The following KCNK10 variants were observed in gnomAD, a reference collection of about 807,000 sequenced individuals.
The protein encoded by KCNK10 is potassium two pore domain channel subfamily K member 10.
In KCNK10, 25 loss-of-function variants were observed where a neutral mutation model predicts 47.7. That is an observed-to-expected ratio of 0.52 (90% CI 0.38 to 0.73). KCNK10 has a LOEUF of 0.73. KCNK10 is among the 30% of genes least tolerant of loss of function. The pLI is 0.00. For synonymous variants in KCNK10, 303 were observed against 285.6 expected (o/e 1.06, Z -0.61); for missense variants, 563 against 714.5 (o/e 0.79, Z 2.42).
intron 4 of KCNK10, among the ~76,000 whole-genome samples, chr14:88,199,133 T>C (rs1885019262): frequency 6.6e-6 from 1 of 152,114 alleles, no homozygotes; most frequent in South Asian, 2.1e-4. Flanking sequence ...TTGGCCATGC[T>C]GGTCTTGAAC....
intron 2 of KCNK10, among the ~76,000 whole-genome samples, chr14:88,248,866 T>G (rs1159428819): frequency 2.0e-5 from 3 of 152,128 alleles, no homozygotes; most frequent in Non-Finnish European, 2.9e-5. Flanking sequence ...TCAGGGAAAG[T>G]TCTAGAATAC....
chr14:88,303,313 G>A (rs997832218), intron 1 of KCNK10, among the ~76,000 whole-genome samples: 2 of 152,160 alleles, frequency 1.3e-5, no homozygotes, highest in African/African-American at 4.8e-5. Flanking sequence ...TCTGCAACAG[G>A]CAGCTGAAAG....
intron 1 of KCNK10, among the ~76,000 whole-genome samples, chr14:88,290,113 A>G (rs138220332): frequency 1.1e-3 from 171 of 152,186 alleles, no homozygotes; most frequent in African/African-American, 3.9e-3. Context: ...TTACACGACA[A>G]AGGGATTTTG....
chr14:88,261,269 T>A (rs1001312510), intron 2 of KCNK10, among the ~76,000 whole-genome samples: 2 of 152,240 alleles, frequency 1.3e-5, no homozygotes, highest in Non-Finnish European at 2.9e-5. Context: ...CAGGTTATTA[T>A]GACGTGTCTT....
intron 4 of KCNK10, among the ~76,000 whole-genome samples, chr14:88,200,790 C>G (rs1334403014): frequency 2.0e-5 from 3 of 152,166 alleles, no homozygotes; most frequent in African/African-American, 7.2e-5. Flanking sequence ...AACAAAATGG[C>G]CCCCAGTCTC....
intron 1 of KCNK10, among the ~76,000 whole-genome samples, chr14:88,271,648 T>G (rs1327322510): frequency 2.6e-5 from 4 of 152,070 alleles, no homozygotes; most frequent in Non-Finnish European, 5.9e-5. Flanking sequence ...ATGGCATGAG[T>G]CACACTTGGT....
chr14:88,287,475 C>T (rs531283160), intron 1 of KCNK10, among the ~76,000 whole-genome samples: 1 of 152,280 alleles, frequency 6.6e-6, no homozygotes, highest in South Asian at 2.1e-4. Context: ...ACTGCCCCCA[C>T]CCTTTTCACC....
chr14:88,231,902 C>T (rs978289183), intron 3 of KCNK10, among the ~76,000 whole-genome samples: 1 of 152,170 alleles, frequency 6.6e-6, no homozygotes, highest in Non-Finnish European at 1.5e-5. Context: ...TAAGGAGTAG[C>T]GCTGCTTTTC....
Position 88,263,547 on chromosome 14 carries a change from G to T in KCNK10, c.57C>A (p.Ala19=). ...GGCACACCGGTGCTGCTGCGGGAAC[G>T]GCCACTGAGGAGTCAGGGTGGGGGA... The part of the protein sequence containing the change: ...RKQVNWDPKV[A]VPAAAPVCQP... Residue 19 remains alanine, a synonymous_variant, in exon 2 of 7, where the codon GCC becomes GCA. Coordinates refer to ENST00000319231, the MANE Select transcript of KCNK10 (RefSeq NM_138317.3). The T allele has an allele frequency of 6.2e-7, 1 of 1,609,358 alleles. No homozygotes were observed.
chr14:88,253,758 G>A (rs1005416593), intron 2 of KCNK10, among the ~76,000 whole-genome samples: 1 of 152,012 alleles, frequency 6.6e-6, no homozygotes, highest in African/African-American at 2.4e-5. Flanking sequence ...AAATTAGCTG[G>A]GGTGGTGAAG....
chr14:88,290,982 G>A (rs1292824254), intron 1 of KCNK10, among the ~76,000 whole-genome samples: 1 of 152,232 alleles, frequency 6.6e-6, no homozygotes, highest in African/African-American at 2.4e-5. Flanking sequence ...GCTGTGGGAA[G>A]AGGCCCACTA....
At chr14:88,256,148 C>G (rs571768539) in intron 2 of KCNK10, among the ~76,000 whole-genome samples, 1 of 152,318 alleles carries the variant, frequency 6.6e-6, no homozygotes, top group South Asian at 2.1e-4. Context: ...CCTAGGACAT[C>G]AAACTTGGTC....
intron 2 of KCNK10, among the ~76,000 whole-genome samples, chr14:88,241,224 G>A (rs1886456917): frequency 6.6e-6 from 1 of 152,352 alleles, no homozygotes; most frequent in East Asian, 1.9e-4. Flanking sequence ...TGTCTTGTAA[G>A]AATGTTTTAC....
intron 1 of KCNK10, chr14:88,270,911 C>T (rs1409857100): frequency 5.4e-6 from 4 of 741,222 alleles, no homozygotes; most frequent in Admixed American, 3.5e-5. Context: ...CCATGCCTTG[C>T]TCCCTGACTC....
chr14:88,198,342 A>T (rs1344184019), intron 4 of KCNK10, among the ~76,000 whole-genome samples: 2 of 152,216 alleles, frequency 1.3e-5, no homozygotes, highest in African/African-American at 4.8e-5. Flanking sequence ...AGCCACATCA[A>T]CTGAGTAACT....
rs1884453947 is a variant in KCNK10 at position 88,183,975 on chromosome 14, C to T, written c.*1560G>A. ...AGCAGTGAGCCTAGAACACCCATAACCAGCAACTGCCTGGTGTTGCCAGGT... is the reference window on the plus strand; with the variant it reads ...AGCAGTGAGCCTAGAACACCCATAATCAGCAACTGCCTGGTGTTGCCAGGT... On this transcript the variant is annotated 3_prime_UTR_variant, in exon 7 of 7. Transcript: ENST00000319231. 1 of 152,364 alleles carries T rather than the reference C, an allele frequency of 6.6e-6. No individual in the cohort carries two copies. Among genetic ancestry groups the T allele is most frequent in the Non-Finnish European group, 1.5e-5 (1 of 68,048 alleles). 9.4% of individuals were successfully genotyped at this position (152,364 alleles called of 1,614,324 possible).
intron 2 of KCNK10, 72 bp from the exon 3 acceptor site, chr14:88,240,892 A>T: frequency 1.0e-6 from 1 of 961,924 alleles, no homozygotes; most frequent in Non-Finnish European, 1.6e-6. Context: ...AAAAAAAAAA[A>T]AGGTTCCAAT....
intron 4 of KCNK10, among the ~76,000 whole-genome samples, chr14:88,204,629 C>G (rs1028808629): frequency 6.7e-6 from 1 of 149,956 alleles, no homozygotes; most frequent in Non-Finnish European, 1.5e-5. Flanking sequence ...TGACCCCTCT[C>G]TCTTGCTGTA....
chr14:88,294,721 AG>A (rs1307642767), intron 1 of KCNK10, among the ~76,000 whole-genome samples: 1 of 152,222 alleles, frequency 6.6e-6, no homozygotes, highest in African/African-American at 2.4e-5. Context: ...AAATTCCAGC[AG>A]CAAAGTATTG....
Sources: gnomAD v4.1 joint callset for allele counts (sites outside exome capture counted in the v4.1 genomes callset) on GRCh38, gnomAD v4.1.1 for gene constraint, MANE v1.5 for transcripts, NCBI Gene and HGNC (gene_info 2026-07-23, HGNC 2026-07-21) for gene names.